ASAP1: variants seen among roughly 807,000 people sequenced by gnomAD.
ASAP1 encodes ArfGAP with SH3 domain, ankyrin repeat and PH domain 1.
Under a neutral mutation model 145.2 loss-of-function variants are expected in ASAP1, and 43 were observed. That is an observed-to-expected ratio of 0.30 (90% confidence interval 0.23 to 0.38). The LOEUF is 0.38. Among genes scored for constraint, ASAP1 ranks in the 10% least tolerant of loss-of-function variants. ASAP1 has a pLI of 1.00. For synonymous variants in ASAP1, 546 were observed against 515.5 expected (o/e 1.06, Z -0.80); for missense variants, 1,018 against 1,355.3 (o/e 0.75, Z 3.91).
chr8:130,361,839 G>A (rs937763239), intron 2 of ASAP1: 34 of 1,097,116 alleles, frequency 3.1e-5, no homozygotes, highest in Admixed American at 1.8e-4. Flanking sequence ...GAGCTGCCCC[G>A]AAATATACAC....
chr8:130,338,102 G>A (rs1825149719), intron 3 of ASAP1, among the ~76,000 whole-genome samples: 1 of 152,202 alleles, frequency 6.6e-6, no homozygotes, highest in African/African-American at 2.4e-5. Context: ...GACGACCTAA[G>A]GAGCCTGTGA....
chr8:130,356,208 T>A (rs1230218973), intron 3 of ASAP1, among the ~76,000 whole-genome samples: 1 of 152,196 alleles, frequency 6.6e-6, no homozygotes, highest in African/African-American at 2.4e-5. Flanking sequence ...ACAAACAGCA[T>A]CACCGAATAC....
chr8:130,138,633 TCCAGACCCG>T (rs2135834043), intron 13 of ASAP1, among the ~76,000 whole-genome samples: 1 of 152,072 alleles, frequency 6.6e-6, no homozygotes, highest in Admixed American at 6.5e-5. Context: ...GGTCGGGAGT[TCCAGACCCG>T]CCTGATCAAC....
chr8:130,188,113 T>C lies in ASAP1; in HGVS notation c.476A>G (p.Lys159Arg). ...SLLKGDLKGV[K>R]GDLKKPFDKA... The stretch of plus-strand genomic sequence containing the variant: ...ATCAAATTTCTGAACACTTACTCCT[T>C]TGACTCCCTTTAGGTCTCCTTTTAA... Residue 159 changes from lysine (K) to arginine (R), a missense_variant, in exon 6 of 30, where the codon AAA becomes AGA. Transcript: ENST00000518721. 6.2e-7 allele frequency: 1 copy of C among 1,611,398 alleles called. No individual in the cohort carries two copies. The highest frequency in any genetic ancestry group is 8.5e-7 in the Non-Finnish European group (1 of 1,177,856).
At chr8:130,387,698 A>G (rs781341895) in intron 2 of ASAP1, among the ~76,000 whole-genome samples, 3 of 151,696 alleles carry the variant, frequency 2.0e-5, no homozygotes, top group Non-Finnish European at 4.4e-5. Context: ...CAACTTTTTA[A>G]CCACTTGTAT....
intron 27 of ASAP1, among the ~76,000 whole-genome samples, chr8:130,073,166 GA>G (rs952013480): frequency 3.3e-5 from 5 of 151,742 alleles, no homozygotes; most frequent in Non-Finnish European, 7.4e-5. Flanking sequence ...GAGGCGGGGG[GA>G]TCACCTGAGG....
chr8:130,340,515 T>C (rs966001629), intron 3 of ASAP1, among the ~76,000 whole-genome samples: 6 of 152,250 alleles, frequency 3.9e-5, no homozygotes, highest in African/African-American at 1.4e-4. Flanking sequence ...ATCTGATTAG[T>C]AAGTATTCAT....
chr8:130,136,654 T>C (rs1219589786), intron 14 of ASAP1, among the ~76,000 whole-genome samples: 2 of 150,948 alleles, frequency 1.3e-5, no homozygotes, highest in East Asian at 2.0e-4. Context: ...AAGAAACATC[T>C]CTCCAAGGGG....
intron 17 of ASAP1, 26 bp downstream of exon 17, chr8:130,125,930 C>T: frequency 6.3e-7 from 1 of 1,581,300 alleles, no homozygotes; most frequent in Non-Finnish European, 8.6e-7. Flanking sequence ...TAATATCATT[C>T]TTCCCAAGTA....
chr8:130,079,888 CTGAGA>C lies in ASAP1; in HGVS notation c.2642+9_2642+13del. 1 of 1,612,704 alleles carries C rather than the reference CTGAGA, an allele frequency of 6.2e-7. No homozygotes were observed. The highest frequency in any genetic ancestry group is 8.5e-7 in the Non-Finnish European group (1 of 1,178,698). ...TGGATCCAACAGGGGAAATGAAGCGCTGAGATGGCTTACCTCGACTGCTGGGATAG... is the reference window on the plus strand; with the variant it reads ...TGGATCCAACAGGGGAAATGAAGCGCTGGCTTACCTCGACTGCTGGGATAG... On this transcript the variant is annotated intron_variant, in intron 26 of 29. Coordinates refer to ENST00000518721, the MANE Select transcript of ASAP1 (RefSeq NM_018482.4).
intron 1 of ASAP1, among the ~76,000 whole-genome samples, chr8:130,411,351 C>G (rs1200155766): frequency 1.3e-5 from 2 of 152,234 alleles, no homozygotes; most frequent in Non-Finnish European, 2.9e-5. Flanking sequence ...ATGCTTCTAG[C>G]TGTGGCCTTC....
chr8:130,381,405 TTAA>T (rs1206613004), intron 2 of ASAP1, among the ~76,000 whole-genome samples: 4 of 152,082 alleles, frequency 2.6e-5, no homozygotes, highest in Non-Finnish European at 5.9e-5. Context: ...AGAAAAATTA[TTAA>T]TGAGACAGAG....
chr8:130,209,305 A>G (rs1030402973), intron 5 of ASAP1, among the ~76,000 whole-genome samples: 2 of 152,230 alleles, frequency 1.3e-5, no homozygotes, highest in Non-Finnish European at 2.9e-5. Context: ...GGTTGGAATC[A>G]TAACAAAGCC....
Position 130,061,046 on chromosome 8 carries a change from G to C in ASAP1, c.2725C>G (p.Leu909Val). The C allele has an allele frequency of 1.3e-6, 2 of 1,528,880 alleles. No homozygotes were observed. Among genetic ancestry groups the C allele is most frequent in the Non-Finnish European group, 1.8e-6 (2 of 1,141,546 alleles). 94.7% of individuals were successfully genotyped at this position (1,528,880 alleles called of 1,614,324 possible). The change falls in exon 28 of 30, where the codon CTC (leucine) becomes GTC (valine). Residue 909 changes from leucine to valine, a missense_variant. By Grantham distance (32) the Leu-to-Val change is conservative. Transcript: ENST00000518721. ...GGGATGGTGGCTTTGTCTAGGGAGA[G>C]ATGATCTGTTTTCCTTAGTGCCACT... ...QKVALRKTDHLSLDKATIPPE... is the reference protein window; with the variant it reads ...QKVALRKTDHVSLDKATIPPE...
chr8:130,232,893 C>G (rs560007069), intron 4 of ASAP1, among the ~76,000 whole-genome samples: 3 of 152,136 alleles, frequency 2.0e-5, no homozygotes, highest in Non-Finnish European at 4.4e-5. Flanking sequence ...AAACAGATAG[C>G]AGGGTTCAGC....
chr8:130,139,260 T>C (rs114916460), intron 13 of ASAP1, among the ~76,000 whole-genome samples: 1,684 of 152,250 alleles, frequency 0.011, 27 homozygotes, highest in African/African-American at 0.039. Context: ...AAGGTTGTTA[T>C]TGGGAAGGTT....
At chr8:130,279,478 T>C (rs1031669712) in intron 3 of ASAP1, among the ~76,000 whole-genome samples, 4 of 152,174 alleles carry the variant, frequency 2.6e-5, no homozygotes, top group African/African-American at 9.7e-5. Context: ...TATTTTTAAA[T>C]GGAGTGGGGG....
chr8:130,107,009 T>C (rs1285468591), intron 24 of ASAP1, among the ~76,000 whole-genome samples: 1 of 152,178 alleles, frequency 6.6e-6, no homozygotes, highest in South Asian at 2.1e-4. Context: ...GCTCACTACG[T>C]GCCAGTCATT....
chr8:130,136,177 T>TGG (rs2097594259), intron 14 of ASAP1, among the ~76,000 whole-genome samples: 1 of 152,132 alleles, frequency 6.6e-6, no homozygotes, highest in Non-Finnish European at 1.5e-5. Flanking sequence ...AGCTACAGTG[T>TGG]GGGTCGGTAA....
Sources: allele counts gnomAD v4.1 joint callset (sites outside exome capture counted in the v4.1 genomes callset), GRCh38; gene constraint gnomAD v4.1.1; transcripts MANE v1.5; gene names NCBI Gene and HGNC (gene_info 2026-07-23, HGNC 2026-07-21).